The following ALK variants were observed in gnomAD, a reference collection of about 807,000 sequenced individuals.
ALK encodes ALK tyrosine kinase receptor.
ALK carries 74 observed loss-of-function variants against 163.1 expected under a neutral mutation model. That is an observed-to-expected ratio of 0.45 (90% CI 0.38 to 0.55). The LOEUF is 0.55. Ranked by LOEUF, ALK falls within the 20% of genes least tolerant of loss-of-function variation. The pLI, the probability that ALK is intolerant of heterozygous loss-of-function variation, is 0.00. For synonymous variants in ALK, 960 were observed against 843.2 expected (o/e 1.14, Z -2.40); for missense variants, 2,063 against 2,105.3 (o/e 0.98, Z 0.39).
intron 5 of ALK, among the ~76,000 whole-genome samples, chr2:29,376,286 C>A (rs1196005653): frequency 6.6e-6 from 1 of 152,212 alleles, no homozygotes; most frequent in East Asian, 1.9e-4. Flanking sequence ...AACCATTGAG[C>A]CGCATTTTGT....
At chr2:29,210,025 A>ATTCTCT (rs1669422047) in intron 24 of ALK, 147 bp from the exon 25 acceptor site, 3 of 691,540 alleles carry the variant, frequency 4.3e-6, no homozygotes, top group Non-Finnish European at 7.7e-6. Flanking sequence ...CTTCAGTGTG[A>ATTCTCT]GAGAAACAGC....
intron 11 of ALK, among the ~76,000 whole-genome samples, chr2:29,258,103 A>G (rs1167553153): frequency 6.6e-6 from 1 of 152,194 alleles, no homozygotes; most frequent in Non-Finnish European, 1.5e-5. Context: ...AAGTGGTGTC[A>G]TTACAGGCAA....
At chr2:29,445,387 A>T (rs907788474) in intron 4 of ALK, among the ~76,000 whole-genome samples, 1 of 152,228 alleles carries the variant, frequency 6.6e-6, no homozygotes, top group Non-Finnish European at 1.5e-5. Context: ...TAACTGTCTC[A>T]AACTATAAAA....
At chr2:29,303,154 C>A (rs1470448550) in intron 8 of ALK, among the ~76,000 whole-genome samples, 2 of 152,072 alleles carry the variant, frequency 1.3e-5, no homozygotes, top group African/African-American at 2.4e-5. Context: ...CTATAAGGAA[C>A]TTAAACAAAT....
At chr2:29,303,004 A>C (rs1666412421) in intron 8 of ALK, among the ~76,000 whole-genome samples, 1 of 152,220 alleles carries the variant, frequency 6.6e-6, no homozygotes, top group Non-Finnish European at 1.5e-5. Context: ...AAATGCAACA[A>C]AAACAAAAAT....
intron 26 of ALK, among the ~76,000 whole-genome samples, chr2:29,203,990 TTATATTTTCC>T (rs1221721642): frequency 1.3e-5 from 2 of 152,130 alleles, no homozygotes; most frequent in Admixed American, 6.5e-5. Flanking sequence ...TAAAAAATTA[TTATATTTTCC>T]TATATTTTCC....
At chr2:29,619,290 T>C (rs1297899802) in intron 3 of ALK, among the ~76,000 whole-genome samples, 1 of 152,232 alleles carries the variant, frequency 6.6e-6, no homozygotes, top group African/African-American at 2.4e-5. Flanking sequence ...CAGTATGGCC[T>C]TGAGATGTGC....
At chr2:29,691,764 A>G (rs958502533) in intron 3 of ALK, among the ~76,000 whole-genome samples, 1 of 152,096 alleles carries the variant, frequency 6.6e-6, no homozygotes, top group African/African-American at 2.4e-5. Context: ...CAGGTGGAGG[A>G]GGAGAAACAG....
intron 22 of ALK, 107 bp from the exon 23 acceptor site, chr2:29,220,942 AT>A: frequency 6.7e-7 from 1 of 1,488,138 alleles, no homozygotes; most frequent in Non-Finnish European, 9.3e-7. Context: ...GCTACAATGT[AT>A]AAAGGCATTC....
chr2:29,323,970 A>G (rs905923469), intron 6 of ALK, among the ~76,000 whole-genome samples: 1 of 152,208 alleles, frequency 6.6e-6, no homozygotes, highest in African/African-American at 2.4e-5. Context: ...TCACCTATGA[A>G]TCTGTAAAAT....
At chr2:29,552,833 G>C (rs1181008963) in intron 3 of ALK, among the ~76,000 whole-genome samples, 1 of 152,124 alleles carries the variant, frequency 6.6e-6, no homozygotes, top group Non-Finnish European at 1.5e-5. Flanking sequence ...GGGATAAAAA[G>C]TTCACACTAC....
intron 1 of ALK, among the ~76,000 whole-genome samples, chr2:29,756,634 C>T (rs1358187437): frequency 3.3e-5 from 5 of 150,904 alleles, no homozygotes; most frequent in African/African-American, 1.2e-4. Context: ...CCGGCAGATT[C>T]TCCTGCCTCA....
chr2:29,445,411 G>C (rs951982112), intron 4 of ALK, among the ~76,000 whole-genome samples: 1 of 152,162 alleles, frequency 6.6e-6, no homozygotes, highest in African/African-American at 2.4e-5. Flanking sequence ...CAATTACTTA[G>C]GGCCAGATGC....
At chr2:29,918,861 G>C (rs1040474454) in intron 1 of ALK, among the ~76,000 whole-genome samples, 11 of 152,178 alleles carry the variant, frequency 7.2e-5, no homozygotes, top group Non-Finnish European at 1.3e-4. Context: ...AAAAGAAGCT[G>C]GGTTTGCTTG....
chr2:29,369,334 G>GTGTA (rs369794496), intron 5 of ALK, among the ~76,000 whole-genome samples: 2,907 of 151,930 alleles, frequency 0.019, 73 homozygotes, highest in African/African-American at 0.06. Flanking sequence ...GTGTGTGTGT[G>GTGTA]TTGGTCTCCT....
At chr2:29,256,937 A>G (rs1211265969) in intron 11 of ALK, among the ~76,000 whole-genome samples, 3 of 152,126 alleles carry the variant, frequency 2.0e-5, no homozygotes, top group Admixed American at 6.5e-5. Flanking sequence ...GAGTGTTTAT[A>G]AGGTCAGGAA....
chr2:29,758,637 C>G (rs2148335565), intron 1 of ALK, among the ~76,000 whole-genome samples: 1 of 152,312 alleles, frequency 6.6e-6, no homozygotes, highest in South Asian at 2.1e-4. Flanking sequence ...CGGCTCCCTC[C>G]TCCCTCCCCA....
At chr2:29,427,446 CT>C (rs1166558712) in intron 4 of ALK, among the ~76,000 whole-genome samples, 2 of 151,926 alleles carry the variant, frequency 1.3e-5, no homozygotes, top group Admixed American at 1.3e-4. Context: ...AGCAATGTTT[CT>C]GTATCTCACT....
At chr2:29,268,606 A>T (rs911038368) in intron 11 of ALK, among the ~76,000 whole-genome samples, 2 of 152,228 alleles carry the variant, frequency 1.3e-5, no homozygotes, top group Non-Finnish European at 1.5e-5. Flanking sequence ...CTTGGGATTC[A>T]GGGAAAGCAA....
Sources: allele counts gnomAD v4.1 joint callset (sites outside exome capture counted in the v4.1 genomes callset), GRCh38; gene constraint gnomAD v4.1.1; transcripts MANE v1.5; gene names NCBI Gene and HGNC (gene_info 2026-07-23, HGNC 2026-07-21).